Variants in DCDC1 observed in about 807,000 individuals in gnomAD.
DCDC1 encodes doublecortin domain-containing protein 1.
Under a neutral mutation model 178.3 loss-of-function variants are expected in DCDC1, and 200 were observed. That is an observed-to-expected ratio of 1.12 (90% CI 1.00 to 1.26). DCDC1 has a LOEUF of 1.26. DCDC1 is among the 50% of genes most tolerant of loss of function. DCDC1 has a pLI of 0.00. For synonymous variants in DCDC1, 690 were observed against 604.8 expected, an observed-to-expected ratio of 1.14 and a Z score of -2.07; for missense variants, 1,983 against 1,749.2, an observed-to-expected ratio of 1.13 and a Z score of -2.38.
intron 8 of DCDC1, among the ~76,000 whole-genome samples, chr11:31,264,588 G>A (rs959079114): frequency 6.6e-6 from 1 of 152,172 alleles, no homozygotes; most frequent in Non-Finnish European, 1.5e-5. Flanking sequence ...CTCAGTTACT[G>A]CAATAAATAG....
At chr11:31,004,078 A>G (rs1220202053) in intron 20 of DCDC1, among the ~76,000 whole-genome samples, 2 of 152,282 alleles carry the variant, frequency 1.3e-5, no homozygotes, top group Middle Eastern at 6.8e-3. Context: ...GTTTCTGGGA[A>G]GATCCAAAAG....
intron 20 of DCDC1, among the ~76,000 whole-genome samples, chr11:30,986,617 C>T (rs568238672): frequency 6.6e-6 from 1 of 152,256 alleles, no homozygotes; most frequent in South Asian, 2.1e-4. Context: ...AGGTGTGAGC[C>T]ACCACACCCA....
chr11:30,886,302 T>G (rs921368968), intron 36 of DCDC1, among the ~76,000 whole-genome samples: 8 of 152,182 alleles, frequency 5.3e-5, no homozygotes, highest in African/African-American at 1.9e-4. Context: ...ATAAAAAAAT[T>G]CATAGAGATC....
chr11:31,063,313 A>T (rs957850067), intron 20 of DCDC1, among the ~76,000 whole-genome samples: 2 of 152,110 alleles, frequency 1.3e-5, no homozygotes, highest in African/African-American at 4.8e-5. Flanking sequence ...GGGATCTAGA[A>T]CTAGAAATAC....
At position 30,973,398 on chromosome 11, in the gene DCDC1, G is replaced by A. The variant is rs930346123; in HGVS notation, c.2592-20830C>T. On this transcript the variant is annotated intron_variant, in intron 20 of 38. Transcript: ENST00000684477. ...TAAGTTTCCTGAGGCATCTCCAGAA[G>A]CCAAGCAGAAGCTGCCATGTTTCCT... is the stretch of plus-strand genomic sequence containing the variant. Among the ~76,000 whole-genome samples, 9 of 152,010 alleles carry A rather than the reference G, an allele frequency of 5.9e-5. No individual in the cohort carries two copies. The South Asian group carries it at 6.2e-4, about 11-fold the overall frequency.
At chr11:31,179,238 G>A (rs981374190) in intron 9 of DCDC1, among the ~76,000 whole-genome samples, 4 of 152,146 alleles carry the variant, frequency 2.6e-5, no homozygotes, top group Non-Finnish European at 5.9e-5. Context: ...CATACTGTTG[G>A]TGGGATTGAA....
chr11:30,922,701 C>A (rs1946328126), intron 23 of DCDC1, 63 bp from the exon 24 acceptor site: 1 of 1,400,050 alleles, frequency 7.1e-7, no homozygotes, highest in South Asian at 1.6e-5. Flanking sequence ...CTGTAATAAT[C>A]TAAACTGGAA....
At chr11:31,357,560 T>C (rs1373193972) in intron 1 of DCDC1, among the ~76,000 whole-genome samples, 3 of 152,156 alleles carry the variant, frequency 2.0e-5, no homozygotes. Flanking sequence ...CCACTCCTAT[T>C]CAACATAGTG....
intron 19 of DCDC1, 36 bp downstream of exon 19, chr11:31,064,983 G>A: frequency 4.3e-6 from 3 of 704,770 alleles, no homozygotes; most frequent in South Asian, 1.5e-5. Flanking sequence ...ATTTTAGAGA[G>A]CTATTTCTGT....
At chr11:31,267,821 T>C (rs759014510) in intron 7 of DCDC1, among the ~76,000 whole-genome samples, 14 of 152,224 alleles carry the variant, frequency 9.2e-5, no homozygotes, top group Non-Finnish European at 1.2e-4. Context: ...GTGGAACATA[T>C]TGACTGACAT....
intron 10 of DCDC1, among the ~76,000 whole-genome samples, chr11:31,134,803 T>A (rs1377319988): frequency 6.6e-6 from 1 of 152,202 alleles, no homozygotes; most frequent in Non-Finnish European, 1.5e-5. Flanking sequence ...AAGACCAGCC[T>A]GGGCAACATA....
chr11:30,889,728 T>C (rs1024935183), intron 36 of DCDC1, among the ~76,000 whole-genome samples: 1 of 152,212 alleles, frequency 6.6e-6, no homozygotes, highest in Admixed American at 6.5e-5. Flanking sequence ...ATTCTCTAAG[T>C]GTCCTTTTAC....
chr11:31,067,673 G>A lies in DCDC1; in HGVS notation c.2299-2520C>T, dbSNP rs371037365. 1.1e-4 allele frequency among the ~76,000 whole-genome samples: 16 copies of A among 152,228 alleles called. No individual in the cohort carries two copies. In the East Asian group the frequency reaches 2.9e-3, roughly 28 times the overall value. On this transcript the variant is annotated intron_variant, in intron 18 of 38. Transcript: ENST00000684477. ...ATTAACTGATAAATGTATTAAAAAG[G>A]TGATGTTTCCATACAATGGAATATT...
At chr11:31,143,408 T>C (rs2136042210) in intron 9 of DCDC1, among the ~76,000 whole-genome samples, 1 of 152,182 alleles carries the variant, frequency 6.6e-6, no homozygotes, top group East Asian at 1.9e-4. Context: ...AGCTGAACCT[T>C]GAGCAAGAAG....
At chr11:30,927,149 T>G (rs979338716) in intron 22 of DCDC1, among the ~76,000 whole-genome samples, 2 of 152,196 alleles carry the variant, frequency 1.3e-5, no homozygotes, top group South Asian at 4.1e-4. Flanking sequence ...ATTTTCTTTC[T>G]TCTCCCTGTG....
chr11:30,996,351 G>T lies in DCDC1; in HGVS notation c.2592-43783C>A, dbSNP rs141342781. 2.9e-3 allele frequency among the ~76,000 whole-genome samples: 440 copies of T among 152,234 alleles called. 2 individuals carry two copies. Among genetic ancestry groups the T allele is most frequent in the African/African-American group, 9.4e-3 (391 of 41,564 alleles). ...TTCATTTTTGATGAGAATATAAAAT[G>T]GTACAGCCACATCAGAAACAGCTTG... On this transcript the variant is annotated intron_variant, in intron 20 of 38. Coordinates refer to ENST00000684477, the MANE Select transcript of DCDC1 (RefSeq NM_001387274.1).
At chr11:30,948,642 G>A (rs1173988414) in intron 21 of DCDC1, among the ~76,000 whole-genome samples, 1 of 152,160 alleles carries the variant, frequency 6.6e-6, no homozygotes, top group East Asian at 1.9e-4. Flanking sequence ...GCATGGTACT[G>A]CTACAACAAC....
intron 8 of DCDC1, chr11:31,262,781 AG>A (rs1591575912): frequency 9.4e-6 from 3 of 320,284 alleles, no homozygotes; most frequent in Non-Finnish European, 1.7e-5. Flanking sequence ...CAAAGAAAAA[AG>A]AAGTTCAAAA....
intron 7 of DCDC1, among the ~76,000 whole-genome samples, chr11:31,276,939 T>C (rs1946040629): frequency 6.6e-6 from 1 of 152,204 alleles, no homozygotes; most frequent in Non-Finnish European, 1.5e-5. Flanking sequence ...CAGATTACAA[T>C]TCTAATCATA....
Sources: gnomAD v4.1 joint callset for allele counts (sites outside exome capture counted in the v4.1 genomes callset) on GRCh38, gnomAD v4.1.1 for gene constraint, MANE v1.5 for transcripts, NCBI Gene and HGNC (gene_info 2026-07-23, HGNC 2026-07-21) for gene names.